Variants in CHD6 observed in about 807,000 individuals in gnomAD.
CHD6 encodes chromodomain helicase DNA binding protein 6.
CHD6 carries 50 observed loss-of-function variants against 276.9 expected under a neutral mutation model. The observed-to-expected ratio is 0.18, with a 90% CI of 0.14 to 0.23. CHD6 has a LOEUF of 0.23. Among genes scored for constraint, CHD6 ranks in the 10% least tolerant of loss-of-function variants. The pLI is 1.00. For synonymous variants in CHD6, 1,173 were observed against 1,229.3 expected (o/e 0.95, Z 0.96); for missense variants, 2,564 against 3,365.8 (o/e 0.76, Z 5.89).
In CHD6 at chr20:41,514,895, T is replaced by G; in HGVS notation, c.612A>C (p.Glu204Asp). Residue 204 changes from glutamate to aspartate, a missense_variant, in exon 4 of 37, where the codon GAA becomes GAC. By Grantham distance (45) the Glu-to-Asp change is conservative. Around this residue, in one of 7 missense-constraint regions of CHD6, gnomAD observed 286 missense variants for 297.8 expected, o/e 0.96. Transcript: ENST00000373233. The stretch of plus-strand genomic sequence containing the variant: ...CCAGCTCTAAACTCTCCACTGTAGT[T>G]TCACTTTTCCTTTTTCCTTTCTTCT... The part of the protein sequence containing the change: ...EKKKKGKRKS[E>D]TTVESLELDQ... 1 of 1,614,082 alleles carries G rather than the reference T, an allele frequency of 6.2e-7. No homozygotes were observed.
At chr20:41,550,784 T>A (rs1294877601) in intron 2 of CHD6, among the ~76,000 whole-genome samples, 1 of 152,142 alleles carries the variant, frequency 6.6e-6, no homozygotes, top group Non-Finnish European at 1.5e-5. Flanking sequence ...AGGAAAGAGA[T>A]CCTGGCAAGA....
chr20:41,578,395 T>C (rs2045497079), intron 1 of CHD6, among the ~76,000 whole-genome samples: 1 of 152,106 alleles, frequency 6.6e-6, no homozygotes, highest in Non-Finnish European at 1.5e-5. Flanking sequence ...TTCCTCACAG[T>C]TTTTTAAAAA....
Position 41,443,680 on chromosome 20 carries a change from A to T in CHD6, c.3877+1985T>A, listed in dbSNP as rs140236395. ...CATGTCTTCATCTTCTTTATCACTC[A>T]GGGATCTGTTTCTTTAGCTCTGCTT... is the stretch of plus-strand genomic sequence containing the variant. On this transcript the variant is annotated intron_variant, in intron 25 of 36. Transcript: ENST00000373233. 7.3e-3 allele frequency among the ~76,000 whole-genome samples: 1,110 copies of T among 152,192 alleles called. 38 individuals are homozygous for T. The highest frequency in any genetic ancestry group is 0.062 in the Admixed American group (946 of 15,290).
intron 4 of CHD6, among the ~76,000 whole-genome samples, chr20:41,513,378 G>A (rs1200220854): frequency 6.6e-6 from 1 of 152,156 alleles, no homozygotes; most frequent in Non-Finnish European, 1.5e-5. Flanking sequence ...AGCACTTGGT[G>A]GAAGCACAGA....
intron 3 of CHD6, among the ~76,000 whole-genome samples, chr20:41,518,907 T>C (rs185872792): frequency 1.3e-5 from 2 of 152,206 alleles, no homozygotes; most frequent in African/African-American, 2.4e-5. Context: ...ACTGAAGACA[T>C]TTCAATCTCC....
rs749572987 is a variant in CHD6, at chr20:41,413,408, G to A, written c.7047C>T (p.Ala2349=). 6.8e-6 allele frequency: 11 copies of A among 1,612,014 alleles called. No homozygotes were observed. The highest frequency in any genetic ancestry group is 2.2e-4 in the Middle Eastern group (1 of 4,476). The change falls in exon 35 of 37, where the codon GCC becomes GCT. Residue 2349 remains alanine (A), a synonymous_variant. Transcript: ENST00000373233. ...GACTCTTGCTGGGAATGGATTTCTC[G>A]GCTTGGCTGCTGGCTGCCGTAGCTG... ...PEPATAASSQ[A]EKSIPSKSLL... is the part of the protein sequence containing the mutation.
chr20:41,447,903 G>A lies in CHD6; in HGVS notation c.3752C>T (p.Ala1251Val), dbSNP rs754950286. The A allele has an allele frequency of 2.5e-6, 4 of 1,610,518 alleles. No homozygotes were observed. The highest frequency in any genetic ancestry group is 3.4e-6 in the Non-Finnish European group (4 of 1,178,016). ...TTACCTGGCAGGAGATCCTTCAAAT[G>A]CTTTCTCAGCTGCTTCTCCCAGTAT... ...AEILGEAAEK[A>V]FEGSPARELD... is the part of the protein sequence containing the mutation. The change falls in exon 24 of 37, where the codon GCA becomes GTA. Residue 1251 changes from alanine to valine, a missense_variant. Physicochemically the swap from Ala to Val is moderately conservative, Grantham distance 64. Around this residue, in one of 7 missense-constraint regions of CHD6, gnomAD observed 515 missense variants for 739.5 expected, o/e 0.70. Transcript: ENST00000373233.
chr20:41,565,422 A>G (rs144459256), intron 1 of CHD6, among the ~76,000 whole-genome samples: 1 of 152,324 alleles, frequency 6.6e-6, no homozygotes, highest in East Asian at 1.9e-4. Flanking sequence ...CTAAGATGCT[A>G]GAATGCTGGT....
chr20:41,483,859 C>T (rs1390634370), intron 15 of CHD6, among the ~76,000 whole-genome samples: 2 of 152,130 alleles, frequency 1.3e-5, no homozygotes, highest in Non-Finnish European at 2.9e-5. Flanking sequence ...TAAGATAATC[C>T]AAGCCACATT....
chr20:41,498,376 C>T, intron 6 of CHD6, 150 bp from the exon 7 acceptor site: 1 of 646,226 alleles, frequency 1.5e-6, no homozygotes, highest in South Asian at 1.9e-5. Context: ...TTCCTGACAC[C>T]TATTGGTCAG....
chr20:41,529,484 G>A lies in CHD6; in HGVS notation c.554+3566C>T, dbSNP rs551359842. On this transcript the variant is annotated intron_variant, in intron 3 of 36. Coordinates refer to ENST00000373233, the MANE Select transcript of CHD6 (RefSeq NM_032221.5). ...GTTTCCCTGGCTGCAATACAACAGG[G>A]CTATGGAAGTTCAGAGGGGACACAC... Among the ~76,000 whole-genome samples, 10 of 152,254 alleles carry A rather than the reference G, an allele frequency of 6.6e-5. 1 individual carries two copies. The highest frequency in any genetic ancestry group is 2.4e-4 in the African/African-American group (10 of 41,542).
At chr20:41,601,946 C>T (rs2045777473) in intron 1 of CHD6, among the ~76,000 whole-genome samples, 1 of 152,170 alleles carries the variant, frequency 6.6e-6, no homozygotes, top group African/African-American at 2.4e-5. Context: ...GCCTCTCCAC[C>T]CTGGCTTCCT....
At chr20:41,442,565 G>T (rs993139571) in intron 25 of CHD6, among the ~76,000 whole-genome samples, 4 of 152,150 alleles carry the variant, frequency 2.6e-5, no homozygotes, top group African/African-American at 9.7e-5. Context: ...GAAGTGGAGC[G>T]GGCTTCCTGA....
intron 1 of CHD6, among the ~76,000 whole-genome samples, chr20:41,582,325 G>T (rs1438287264): frequency 6.6e-6 from 1 of 152,120 alleles, no homozygotes; most frequent in Admixed American, 6.5e-5. Flanking sequence ...TAAAGGAGTA[G>T]GCAATTCCAA....
chr20:41,512,808 G>A (rs947162379), intron 5 of CHD6, 38 bp downstream of exon 5: 3 of 1,611,638 alleles, frequency 1.9e-6, no homozygotes, highest in African/African-American at 1.3e-5. Context: ...CAAAATGACT[G>A]TCCAGCCAAG....
At chr20:41,414,978 C>T in intron 34 of CHD6, 3 of 1,400,760 alleles carry the variant, frequency 2.1e-6, no homozygotes, top group Non-Finnish European at 2.8e-6. Flanking sequence ...CTCATTTCTC[C>T]AGGCTGTAAG....
intron 1 of CHD6, among the ~76,000 whole-genome samples, chr20:41,582,029 T>G (rs1213493980): frequency 6.6e-6 from 1 of 152,182 alleles, no homozygotes; most frequent in Non-Finnish European, 1.5e-5. Context: ...TACATCACAG[T>G]TGACTGTGGA....
At chr20:41,555,540 C>A (rs2045219156) in intron 1 of CHD6, among the ~76,000 whole-genome samples, 1 of 148,984 alleles carries the variant, frequency 6.7e-6, no homozygotes, top group African/African-American at 2.5e-5. Context: ...TCAGATGGGG[C>A]GGTTGCCAGG....
At chr20:41,535,937 T>C (rs573956022) in intron 2 of CHD6, among the ~76,000 whole-genome samples, 1 of 152,312 alleles carries the variant, frequency 6.6e-6, no homozygotes, top group African/African-American at 2.4e-5. Context: ...CAGTTCTTGA[T>C]GAAAAAGCAG....
Sources: allele counts gnomAD v4.1 joint callset (sites outside exome capture counted in the v4.1 genomes callset), GRCh38; gene constraint gnomAD v4.1.1; regional missense constraint gnomAD v4.1.1; transcripts MANE v1.5; gene names NCBI Gene and HGNC (gene_info 2026-07-23, HGNC 2026-07-21).